SLC2A13: variants seen among roughly 807,000 people sequenced by gnomAD.
SLC2A13 encodes the protein proton myo-inositol cotransporter.
Under a neutral mutation model 64.4 loss-of-function variants are expected in SLC2A13, and 32 were observed. That is an observed-to-expected ratio of 0.50 (90% CI 0.37 to 0.67). SLC2A13 has a LOEUF of 0.67. SLC2A13 is among the 30% of genes least tolerant of loss of function. The pLI is 0.00. For synonymous variants in SLC2A13, 338 were observed against 327.1 expected, an observed-to-expected ratio of 1.03 and a Z score of -0.36; for missense variants, 743 against 829.2, an observed-to-expected ratio of 0.90 and a Z score of 1.28.
intron 3 of SLC2A13, among the ~76,000 whole-genome samples, chr12:40,005,786 G>A (rs1261080956): frequency 6.6e-6 from 1 of 152,134 alleles, no homozygotes; most frequent in Non-Finnish European, 1.5e-5. Context: ...TCAGAGACTT[G>A]AGCAATCACA....
intron 4 of SLC2A13, among the ~76,000 whole-genome samples, chr12:39,912,938 T>C (rs538656507): frequency 6.6e-6 from 1 of 152,294 alleles, no homozygotes; most frequent in East Asian, 1.9e-4. Context: ...CACAGATTTA[T>C]GGCGTAGGAA....
At chr12:40,073,626 C>G (rs1276051692) in intron 1 of SLC2A13, among the ~76,000 whole-genome samples, 2 of 151,946 alleles carry the variant, frequency 1.3e-5, no homozygotes, top group African/African-American at 4.8e-5. Context: ...TTATCCTTGT[C>G]TTTTGAAGGA....
rs1441844684 is a variant in SLC2A13, at chr12:39,946,943, C to T, written c.1034+4314G>A. Among the ~76,000 whole-genome samples the T allele has an allele frequency of 2.6e-5, 4 of 152,150 alleles. No individual in the cohort carries two copies. In the East Asian group the frequency reaches 5.8e-4, roughly 22 times the overall value. On this transcript the variant is annotated intron_variant, in intron 4 of 9. Coordinates refer to ENST00000280871, the MANE Select transcript of SLC2A13 (RefSeq NM_052885.4). ...TTTCTTCTCCCTGTGGACTTTTACCCCCTGCTCCTCTGGCCACTCTCCTGA... is the reference window on the plus strand; with the variant it reads ...TTTCTTCTCCCTGTGGACTTTTACCTCCTGCTCCTCTGGCCACTCTCCTGA...
At chr12:39,977,334 T>C (rs1419316280) in intron 3 of SLC2A13, among the ~76,000 whole-genome samples, 1 of 152,232 alleles carries the variant, frequency 6.6e-6, no homozygotes, top group Non-Finnish European at 1.5e-5. Flanking sequence ...TGTTCCCACA[T>C]ATCAAACTGT....
intron 6 of SLC2A13, among the ~76,000 whole-genome samples, chr12:39,848,417 G>GA (rs1402660561): frequency 2.6e-5 from 4 of 152,050 alleles, no homozygotes; most frequent in African/African-American, 9.7e-5. Flanking sequence ...AGGAGCATAT[G>GA]AAAAAAATTC....
chr12:39,944,905 T>G (rs1946109730), intron 4 of SLC2A13, among the ~76,000 whole-genome samples: 1 of 152,066 alleles, frequency 6.6e-6, no homozygotes, highest in South Asian at 2.1e-4. Context: ...GGTACTTTGG[T>G]TTTTGTTTTC....
chr12:39,913,409 A>C (rs1291601745), intron 4 of SLC2A13, among the ~76,000 whole-genome samples: 1 of 152,006 alleles, frequency 6.6e-6, no homozygotes, highest in Non-Finnish European at 1.5e-5. Context: ...ATGAATAAAA[A>C]CTAAAATAAG....
chr12:39,779,358 T>C (rs925855699), intron 7 of SLC2A13, among the ~76,000 whole-genome samples: 1 of 152,202 alleles, frequency 6.6e-6, no homozygotes, highest in Non-Finnish European at 1.5e-5. Flanking sequence ...ACTGATGTTT[T>C]TCTACACTTA....
intron 3 of SLC2A13, among the ~76,000 whole-genome samples, chr12:40,024,739 T>C (rs1947776419): frequency 1.3e-5 from 2 of 152,202 alleles, no homozygotes; most frequent in Admixed American, 6.5e-5. Context: ...ATAAATACTT[T>C]TGAAAGAAAT....
intron 3 of SLC2A13, among the ~76,000 whole-genome samples, chr12:39,984,803 C>T (rs1056452140): frequency 5.9e-5 from 9 of 152,090 alleles, no homozygotes; most frequent in Non-Finnish European, 1.3e-4. Flanking sequence ...AACATCTTTA[C>T]GGCTTTGTAA....
At chr12:39,851,246 C>T (rs921052258) in intron 6 of SLC2A13, among the ~76,000 whole-genome samples, 1 of 152,140 alleles carries the variant, frequency 6.6e-6, no homozygotes, top group Non-Finnish European at 1.5e-5. Context: ...ATAAATATTT[C>T]ATTTGTTTCC....
intron 2 of SLC2A13, among the ~76,000 whole-genome samples, chr12:40,043,039 G>A (rs1057451376): frequency 1.3e-5 from 2 of 151,590 alleles, no homozygotes; most frequent in Non-Finnish European, 2.9e-5. Context: ...ACAAAGTGGA[G>A]TCGGGGGCAA....
At chr12:39,968,083 T>C (rs1266087037) in intron 3 of SLC2A13, among the ~76,000 whole-genome samples, 2 of 152,286 alleles carry the variant, frequency 1.3e-5, no homozygotes, top group East Asian at 3.9e-4. Context: ...ATATTGCTAA[T>C]AAAGACATAC....
At chr12:39,778,422 T>G (rs1940855031) in intron 7 of SLC2A13, among the ~76,000 whole-genome samples, 1 of 152,118 alleles carries the variant, frequency 6.6e-6, no homozygotes, top group East Asian at 1.9e-4. Flanking sequence ...TGTCTCATAT[T>G]CTAGTTGTCA....
intron 3 of SLC2A13, among the ~76,000 whole-genome samples, chr12:40,003,964 G>T (rs983216372): frequency 6.6e-6 from 1 of 151,550 alleles, no homozygotes; most frequent in Non-Finnish European, 1.5e-5. Flanking sequence ...TTGCACTCCA[G>T]CCTGGGCAAT....
At chr12:39,995,823 G>T (rs1947218906) in intron 3 of SLC2A13, among the ~76,000 whole-genome samples, 1 of 152,130 alleles carries the variant, frequency 6.6e-6, no homozygotes. Flanking sequence ...TTTAAAAACG[G>T]GAGTTTCCCT....
At chr12:39,895,512 AATTATATAT>A (rs1365980538) in intron 4 of SLC2A13, among the ~76,000 whole-genome samples, 2 of 4,802 alleles carry the variant, frequency 4.2e-4, no homozygotes, top group African/African-American at 5.9e-4. Context: ...AAAAAAAAAA[AATTATATAT>A]ATATATATAT....
chr12:39,938,216 G>T (rs1427670768), intron 4 of SLC2A13, among the ~76,000 whole-genome samples: 1 of 152,020 alleles, frequency 6.6e-6, no homozygotes, highest in Non-Finnish European at 1.5e-5. Flanking sequence ...AATCACATTT[G>T]GGAGGTATTA....
intron 1 of SLC2A13, among the ~76,000 whole-genome samples, chr12:40,104,988 C>A (rs150524773): frequency 8.9e-4 from 135 of 152,290 alleles, no homozygotes; most frequent in Non-Finnish European, 1.5e-3. Context: ...ACCACTTGGA[C>A]TGACTGGTCC....
Sources: gnomAD v4.1 joint callset for allele counts (sites outside exome capture counted in the v4.1 genomes callset) on GRCh38, gnomAD v4.1.1 for gene constraint, MANE v1.5 for transcripts, NCBI Gene and HGNC (gene_info 2026-07-23, HGNC 2026-07-21) for gene names.